INTS7: variants seen among roughly 807,000 people sequenced by gnomAD.
The protein encoded by INTS7 is integrator complex subunit 7, also known as chromosome 1 open reading frame 73.
In INTS7, 46 loss-of-function variants were observed where a neutral mutation model predicts 109.2. The ratio of observed to expected loss-of-function variants is 0.42; its 90% CI spans 0.33 to 0.54. INTS7 has a LOEUF of 0.54. Ranked by LOEUF, INTS7 falls within the 20% of genes least tolerant of loss-of-function variation. The pLI, the probability that INTS7 is intolerant of heterozygous loss-of-function variation, is 0.07. For synonymous variants in INTS7, 412 were observed against 402.9 expected (o/e 1.02, Z -0.27); for missense variants, 929 against 1,132.4 (o/e 0.82, Z 2.58).
intron 5 of INTS7, among the ~76,000 whole-genome samples, chr1:212,009,847 G>T (rs1311496605): frequency 6.6e-6 from 1 of 152,084 alleles, no homozygotes; most frequent in African/African-American, 2.4e-5. Flanking sequence ...TTTTGCTAAT[G>T]GTGGAAGAAA....
chr1:212,026,074 G>A (rs191979302), intron 1 of INTS7, among the ~76,000 whole-genome samples: 2 of 152,158 alleles, frequency 1.3e-5, no homozygotes, highest in African/African-American at 2.4e-5. Context: ...GCTTGAACTC[G>A]GGAGGCGGAG....
chr1:211,994,901 T>C (rs1381811268), intron 7 of INTS7, among the ~76,000 whole-genome samples: 2 of 151,304 alleles, frequency 1.3e-5, no homozygotes, highest in Non-Finnish European at 2.9e-5. Flanking sequence ...AACAAAACAA[T>C]TGCATTTAAC....
At chr1:211,951,145 G>A (rs1280490533) in intron 17 of INTS7, among the ~76,000 whole-genome samples, 1 of 152,206 alleles carries the variant, frequency 6.6e-6, no homozygotes, top group African/African-American at 2.4e-5. Context: ...GAGAAGAGCA[G>A]AAGCAGAAGA....
chr1:211,963,513 C>A (rs767936458), intron 16 of INTS7, among the ~76,000 whole-genome samples: 5 of 152,102 alleles, frequency 3.3e-5, no homozygotes, highest in Non-Finnish European at 5.9e-5. Flanking sequence ...CACCCTGATA[C>A]CAAAACCTGG....
chr1:211,976,947 T>C (rs1664447846), intron 11 of INTS7, among the ~76,000 whole-genome samples: 1 of 152,136 alleles, frequency 6.6e-6, no homozygotes, highest in African/African-American at 2.4e-5. Context: ...ATAATATGAA[T>C]AAATTATATA....
rs890051202 is a variant in INTS7, at chr1:211,969,266, T to C, written c.1816-559A>G. 4.8e-4 allele frequency among the ~76,000 whole-genome samples: 71 copies of C among 147,542 alleles called. 1 individual carries two copies. The highest frequency in any genetic ancestry group is 1.6e-3 in the African/African-American group (65 of 39,956). On this transcript the variant is annotated intron_variant, in intron 13 of 19. Transcript: ENST00000366994. ...CACCACTGCACTCCAGCCTGGGCGA[T>C]AGAACGAGACTGTCTCAAAAAAAAA...
chr1:212,003,970 A>C (rs1320998604), intron 7 of INTS7, among the ~76,000 whole-genome samples: 1 of 152,242 alleles, frequency 6.6e-6, no homozygotes, highest in African/African-American at 2.4e-5. Context: ...ATTTAAACTC[A>C]AATGTGTGAC....
intron 10 of INTS7, among the ~76,000 whole-genome samples, chr1:211,980,286 T>G (rs1053268009): frequency 6.6e-6 from 1 of 152,156 alleles, no homozygotes; most frequent in African/African-American, 2.4e-5. Context: ...GAGCCATGAC[T>G]TCCTTGAAAC....
intron 3 of INTS7, 74 bp from the exon 4 acceptor site, chr1:212,017,097 A>C: frequency 8.1e-7 from 1 of 1,231,548 alleles, no homozygotes; most frequent in Non-Finnish European, 1.1e-6. Flanking sequence ...AGGCAAGGCA[A>C]AGTCAGATTA....
In INTS7 at chr1:211,966,504, T is replaced by C. The variant is rs201158884; in HGVS notation, c.2115-6A>G. On this transcript the variant is annotated splice_region_variant and splice_polypyrimidine_tract_variant and intron_variant, in intron 15 of 19. Transcript: ENST00000366994. ...GTAAACAGCTCTGCTGCTGTCTGGATTGATGTTAAGGTTACATACGAAAAT... is the reference window on the plus strand; with the variant it reads ...GTAAACAGCTCTGCTGCTGTCTGGACTGATGTTAAGGTTACATACGAAAAT... 4 of 1,596,266 alleles carry C rather than the reference T, an allele frequency of 2.5e-6. No homozygotes were observed. The East Asian group carries it at 6.7e-5, about 27-fold the overall frequency.
chr1:212,001,022 G>C (rs554367863), intron 7 of INTS7, among the ~76,000 whole-genome samples: 21 of 148,978 alleles, frequency 1.4e-4, no homozygotes, highest in African/African-American at 5.2e-4. Flanking sequence ...ATACCCTTTA[G>C]CAATACCATA....
At chr1:212,025,815 T>C (rs1417589763) in intron 1 of INTS7, 1 of 152,150 alleles carries the variant, frequency 6.6e-6, no homozygotes, top group Non-Finnish European at 1.5e-5. Context: ...CAGGAATAAG[T>C]ATCTTAGAAT....
intron 3 of INTS7, among the ~76,000 whole-genome samples, chr1:212,017,657 A>G (rs1666500096): frequency 6.6e-6 from 1 of 152,238 alleles, no homozygotes. Flanking sequence ...GTAGTTTGAA[A>G]AATCCTTTCA....
rs555214841 is a variant in INTS7 at position 211,996,912 on chromosome 1, T to C, written c.880-8909A>G. Among the ~76,000 whole-genome samples the C allele has an allele frequency of 2.2e-4, 34 of 152,128 alleles. 1 individual carries two copies. The highest frequency in any genetic ancestry group is 4.7e-4 in the Non-Finnish European group (32 of 67,988). On this transcript the variant is annotated intron_variant, in intron 7 of 19. Transcript: ENST00000366994. Reference sequence around the variant, plus strand: ...GTTGGTGTGCACCTGTGGTTTCAGCTCCTTGGTAGGTTGAAGTGTGAGGAT... The same window carrying C: ...GTTGGTGTGCACCTGTGGTTTCAGCCCCTTGGTAGGTTGAAGTGTGAGGAT...
At chr1:212,011,866 C>A (rs1010142210) in intron 4 of INTS7, among the ~76,000 whole-genome samples, 8 of 152,080 alleles carry the variant, frequency 5.3e-5, no homozygotes, top group Non-Finnish European at 1.0e-4. Flanking sequence ...TGTTACAGAC[C>A]TTTAGGGCTA....
At chr1:211,977,904 CAG>C (rs1664490006) in intron 11 of INTS7, among the ~76,000 whole-genome samples, 1 of 151,988 alleles carries the variant, frequency 6.6e-6, no homozygotes, top group Admixed American at 6.6e-5. Flanking sequence ...AAGTACAAAA[CAG>C]GGTTTAGTTC....
At chr1:212,011,501 A>G in intron 4 of INTS7, 80 bp from the exon 5 acceptor site, 1 of 877,386 alleles carries the variant, frequency 1.1e-6, no homozygotes. Context: ...ATAAAACACA[A>G]TTAGCGCAGA....
At chr1:212,027,265 A>G (rs1336588296) in intron 1 of INTS7, among the ~76,000 whole-genome samples, 1 of 152,202 alleles carries the variant, frequency 6.6e-6, no homozygotes, top group East Asian at 1.9e-4. Flanking sequence ...CTCTAGGCCA[A>G]TTTTGTAAGC....
Position 211,975,332 on chromosome 1 carries a change from A to G in INTS7, c.1649T>C (p.Leu550Pro), listed in dbSNP as rs773957523. 3 of 1,614,174 alleles carry G rather than the reference A, an allele frequency of 1.9e-6. No homozygotes were observed. The highest frequency in any genetic ancestry group is 1.1e-5 in the South Asian group (1 of 91,078). ...DMAKELYQSL[L>P]TQVASEHFYF... ...GAAATGTTCTGAGGCAACCTGAGTC[A>G]GCAAACTCTGATAAAGCTCTTTGGC... The change falls in exon 13 of 20, where the codon CTG becomes CCG. Residue 550 changes from leucine (L) to proline (P), a missense_variant. By Grantham distance (98) the Leu-to-Pro change is moderately conservative. Transcript: ENST00000366994.
Sources: gnomAD v4.1 joint callset for allele counts (sites outside exome capture counted in the v4.1 genomes callset) on GRCh38, gnomAD v4.1.1 for gene constraint, MANE v1.5 for transcripts, NCBI Gene and HGNC (gene_info 2026-07-23, HGNC 2026-07-21) for gene names.